The following ADAMTS6 variants were observed in gnomAD, a reference collection of about 807,000 sequenced individuals.
ADAMTS6 encodes the protein ADAM metallopeptidase with thrombospondin type 1 motif 6.
ADAMTS6 carries 23 observed loss-of-function variants against 144.3 expected under a neutral mutation model. That is an observed-to-expected ratio of 0.16 (90% CI 0.11 to 0.23). ADAMTS6 has a LOEUF of 0.23. Ranked by LOEUF, ADAMTS6 falls within the 10% of genes least tolerant of loss-of-function variation. The pLI is 1.00. For missense variants in ADAMTS6, 999 were observed against 1,379.6 expected (o/e 0.72, Z 4.37); for synonymous variants, 444 against 457.5 (o/e 0.97, Z 0.38).
At chr5:65,448,670 G>A (rs1758477051) in intron 7 of ADAMTS6, among the ~76,000 whole-genome samples, 1 of 151,912 alleles carries the variant, frequency 6.6e-6, no homozygotes, top group Non-Finnish European at 1.5e-5. Flanking sequence ...TAGCCAGATG[G>A]TCTTGATCTC....
At chr5:65,361,994 T>C (rs77387343) in intron 7 of ADAMTS6, among the ~76,000 whole-genome samples, 6,853 of 152,228 alleles carry the variant, frequency 0.045, 300 homozygotes, top group African/African-American at 0.12. Flanking sequence ...CTTGCCCTCC[T>C]AAAATGCTGG....
intron 7 of ADAMTS6, among the ~76,000 whole-genome samples, chr5:65,440,462 A>G (rs1383892873): frequency 2.0e-5 from 3 of 152,206 alleles, no homozygotes; most frequent in Non-Finnish European, 2.9e-5. Flanking sequence ...AGTAGAGCCC[A>G]GTGGACTCTC....
At chr5:65,409,143 T>C (rs1754829889) in intron 7 of ADAMTS6, among the ~76,000 whole-genome samples, 1 of 151,962 alleles carries the variant, frequency 6.6e-6, no homozygotes, top group African/African-American at 2.4e-5. Flanking sequence ...AAGAAATAAC[T>C]AAGATCAGAG....
At chr5:65,434,097 C>T (rs1370511213) in intron 7 of ADAMTS6, among the ~76,000 whole-genome samples, 1 of 152,170 alleles carries the variant, frequency 6.6e-6, no homozygotes, top group Non-Finnish European at 1.5e-5. Flanking sequence ...CTGACACATG[C>T]TACAACATGG....
chr5:65,172,779 G>C, intron 23 of ADAMTS6, 53 bp downstream of exon 23: 1 of 1,575,124 alleles, frequency 6.3e-7, no homozygotes, highest in Non-Finnish European at 8.6e-7. Context: ...GGAACCTCAG[G>C]TTTGTGTCTC....
At chr5:65,298,962 A>G (rs1743115294) in intron 10 of ADAMTS6, among the ~76,000 whole-genome samples, 1 of 152,084 alleles carries the variant, frequency 6.6e-6, no homozygotes, top group African/African-American at 2.4e-5. Flanking sequence ...AAATTTTACA[A>G]TATAATCATT....
rs148800514 is a variant in ADAMTS6, at chr5:65,342,969, T to G, written c.1074-8884A>C. Among the ~76,000 whole-genome samples, 95 of 151,460 alleles carry G rather than the reference T, an allele frequency of 6.3e-4. 2 individuals are homozygous for G. In the East Asian group the frequency reaches 0.018, roughly 29 times the overall value. ...TACAATAGCTACAAATAAAGTAAAA[T>G]ACTTGGGAATAAATTTAACCGAGGA... On this transcript the variant is annotated intron_variant, in intron 7 of 24. Transcript: ENST00000381055.
intron 3 of ADAMTS6, among the ~76,000 whole-genome samples, chr5:65,464,968 C>T (rs563703257): frequency 6.6e-6 from 1 of 152,284 alleles, no homozygotes; most frequent in African/African-American, 2.4e-5. Context: ...CTTCAATTCC[C>T]TTACCTCTTT....
chr5:65,258,981 C>T (rs368738919), intron 14 of ADAMTS6, among the ~76,000 whole-genome samples: 2 of 152,040 alleles, frequency 1.3e-5, no homozygotes, highest in East Asian at 1.9e-4. Flanking sequence ...ATAAGATCAC[C>T]AAAGAAAGGA....
intron 4 of ADAMTS6, among the ~76,000 whole-genome samples, chr5:65,457,312 A>G (rs1759285736): frequency 6.6e-6 from 1 of 152,228 alleles, no homozygotes; most frequent in Non-Finnish European, 1.5e-5. Flanking sequence ...ATGAGGGTCT[A>G]AAATAAATAG....
intron 11 of ADAMTS6, among the ~76,000 whole-genome samples, chr5:65,278,242 T>G (rs576520385): frequency 2.4e-4 from 37 of 152,302 alleles, no homozygotes; most frequent in Middle Eastern, 3.4e-3. Context: ...GCACTTAGAT[T>G]GGTTCCACAT....
intron 7 of ADAMTS6, among the ~76,000 whole-genome samples, chr5:65,363,865 T>C (rs1012003654): frequency 6.6e-6 from 1 of 152,246 alleles, no homozygotes; most frequent in African/African-American, 2.4e-5. Context: ...TCAAAAAGAA[T>C]GATTTTCTGT....
At position 65,466,676 on chromosome 5, in the gene ADAMTS6, T is replaced by C. The variant is rs191168821; in HGVS notation, c.462+4102A>G. Reference sequence around the variant, plus strand: ...ATGAACAGAAAGTCTAATGGGATCATTGAGCTTTTCTAACTAGCTATATGG... The same window carrying C: ...ATGAACAGAAAGTCTAATGGGATCACTGAGCTTTTCTAACTAGCTATATGG... On this transcript the variant is annotated intron_variant, in intron 3 of 24. Coordinates refer to ENST00000381055, the MANE Select transcript of ADAMTS6 (RefSeq NM_197941.4). Among the ~76,000 whole-genome samples the C allele has an allele frequency of 3.9e-4, 59 of 152,314 alleles. No individual in the cohort carries two copies. The South Asian group carries it at 6.0e-3, about 16-fold the overall frequency.
chr5:65,186,042 C>T (rs976028234), intron 22 of ADAMTS6, among the ~76,000 whole-genome samples: 2 of 152,104 alleles, frequency 1.3e-5, no homozygotes, highest in African/African-American at 4.8e-5. Flanking sequence ...TCTAACCTTC[C>T]TAGTACCTAT....
chr5:65,185,739 T>TC (rs1333358203), intron 22 of ADAMTS6, among the ~76,000 whole-genome samples: 1 of 152,196 alleles, frequency 6.6e-6, no homozygotes, highest in Non-Finnish European at 1.5e-5. Context: ...AAAATTCTAA[T>TC]AGAGGGGTAA....
chr5:65,314,146 ATAAT>A (rs1385470886), intron 9 of ADAMTS6, among the ~76,000 whole-genome samples: 3 of 152,160 alleles, frequency 2.0e-5, no homozygotes, highest in East Asian at 1.9e-4. Context: ...GAAGAGATAG[ATAAT>A]TAATGTGTGC....
In ADAMTS6 at chr5:65,470,934, G is replaced by A; in HGVS notation, c.306C>T (p.Leu102=). ...YGKHFHLNLT[L]NTDFVSKHFT... is the part of the protein sequence containing the mutation. ...AATGTTTGGACACAAAATCTGTGTT[G>A]AGAGTCAAGTTTAGATGAAAGTGCT... The change falls in exon 3 of 25, where the codon CTC becomes CTT. Residue 102 remains leucine (L), a synonymous_variant. Coordinates refer to ENST00000381055, the MANE Select transcript of ADAMTS6 (RefSeq NM_197941.4). 6.2e-7 allele frequency: 1 copy of A among 1,612,796 alleles called. No individual in the cohort carries two copies. The highest frequency in any genetic ancestry group is 8.5e-7 in the Non-Finnish European group (1 of 1,179,524).
chr5:65,456,860 T>C (rs1759250565), intron 4 of ADAMTS6, among the ~76,000 whole-genome samples: 1 of 152,168 alleles, frequency 6.6e-6, no homozygotes, highest in Non-Finnish European at 1.5e-5. Context: ...ATAAAATGTT[T>C]AAAAATTCGT....
At chr5:65,392,252 A>C (rs1269948036) in intron 7 of ADAMTS6, among the ~76,000 whole-genome samples, 1 of 149,706 alleles carries the variant, frequency 6.7e-6, no homozygotes, top group East Asian at 1.9e-4. Context: ...TAAATAGTAG[A>C]CTTTTTTTCC....
Sources: gnomAD v4.1 joint callset for allele counts (sites outside exome capture counted in the v4.1 genomes callset) on GRCh38, gnomAD v4.1.1 for gene constraint, MANE v1.5 for transcripts, NCBI Gene and HGNC (gene_info 2026-07-23, HGNC 2026-07-21) for gene names.